The following GOLGA5 variants were observed in gnomAD, a reference collection of about 807,000 sequenced individuals.
GOLGA5 encodes golgin subfamily A member 5.
GOLGA5 carries 50 observed loss-of-function variants against 93.5 expected under a neutral mutation model. The observed-to-expected ratio is 0.53, with a 90% confidence interval of 0.43 to 0.68. The LOEUF is 0.68. Among genes scored for constraint, GOLGA5 ranks in the 30% least tolerant of loss-of-function variants. GOLGA5 has a pLI of 0.00. For synonymous variants in GOLGA5, 312 were observed against 304.5 expected (o/e 1.02, Z -0.26); for missense variants, 760 against 856.4 (o/e 0.89, Z 1.40).
chr14:92,824,693 A>G, intron 9 of GOLGA5, 49 bp downstream of exon 9: 1 of 954,154 alleles, frequency 1.0e-6, no homozygotes, highest in Non-Finnish European at 1.7e-6. Flanking sequence ...TGATAAAGCT[A>G]CATTTTTTTA....
At position 92,810,323 on chromosome 14, in the gene GOLGA5, G is replaced by C; in HGVS notation, c.1062G>C (p.Leu354=). The change falls in exon 5 of 13, where the codon CTG becomes CTC. Residue 354 remains leucine, a synonymous_variant. Transcript: ENST00000163416. The part of the protein sequence containing the change: ...NQALQTFQER[L]HEADATLKRE... ...CTCTGCAGACTTTTCAGGAGAGACT[G>C]CATGAAGCGGATGCCACTCTGAAGA... The C allele has an allele frequency of 6.2e-7, 1 of 1,607,070 alleles. No homozygotes were observed. Among genetic ancestry groups the C allele is most frequent in the African/African-American group, 1.3e-5 (1 of 74,814 alleles).
chr14:92,836,753 C>T (rs1387585133), intron 11 of GOLGA5, among the ~76,000 whole-genome samples: 2 of 152,068 alleles, frequency 1.3e-5, no homozygotes, highest in Non-Finnish European at 2.9e-5. Flanking sequence ...TCTTTCGTAA[C>T]TTCTGTAATT....
chr14:92,833,494 T>C, intron 10 of GOLGA5, 147 bp downstream of exon 10: 1 of 623,532 alleles, frequency 1.6e-6, no homozygotes, highest in Non-Finnish European at 2.9e-6. Flanking sequence ...CTGTTTAGTA[T>C]TGTTAGTGAA....
chr14:92,801,640 T>C (rs1595590014), intron 2 of GOLGA5, among the ~76,000 whole-genome samples: 1 of 152,206 alleles, frequency 6.6e-6, no homozygotes, highest in East Asian at 1.9e-4. Flanking sequence ...CTTGTGTTTT[T>C]TGTGTCTTGG....
intron 3 of GOLGA5, among the ~76,000 whole-genome samples, chr14:92,807,977 G>A (rs189838107): frequency 6.6e-6 from 1 of 152,342 alleles, no homozygotes; most frequent in East Asian, 1.9e-4. Context: ...GCTCACGCCT[G>A]TAATCCCAAC....
In GOLGA5 at chr14:92,810,179, G is replaced by A. The variant is rs143110071; in HGVS notation, c.993-75G>A. Reference sequence around the variant, plus strand: ...TTTTTTGTGCTTGACTAAAGCTGACGCTCTAAAAATTATTCTGCCTTATCA... The same window carrying A: ...TTTTTTGTGCTTGACTAAAGCTGACACTCTAAAAATTATTCTGCCTTATCA... On this transcript the variant is annotated intron_variant, in intron 4 of 12. Coordinates refer to ENST00000163416, the MANE Select transcript of GOLGA5 (RefSeq NM_005113.4). 993 of 1,002,850 alleles carry A rather than the reference G, an allele frequency of 9.9e-4. 1 individual carries two copies. The African/African-American group carries it at 0.011, about 11-fold the overall frequency. 62.1% of individuals were successfully genotyped at this position (1,002,850 alleles called of 1,614,324 possible).
intron 7 of GOLGA5, among the ~76,000 whole-genome samples, chr14:92,817,058 A>G (rs1885225563): frequency 6.6e-6 from 1 of 151,890 alleles, no homozygotes; most frequent in African/African-American, 2.4e-5. Flanking sequence ...CTCCTGCCTC[A>G]GCCTCTTGAG....
intron 8 of GOLGA5, among the ~76,000 whole-genome samples, chr14:92,820,383 T>C (rs1173707432): frequency 6.6e-6 from 1 of 152,226 alleles, no homozygotes; most frequent in Non-Finnish European, 1.5e-5. Flanking sequence ...GCTGCCAACA[T>C]GTCTCGCCTC....
intron 5 of GOLGA5, among the ~76,000 whole-genome samples, chr14:92,811,021 G>A (rs759908443): frequency 1.3e-5 from 2 of 152,202 alleles, no homozygotes; most frequent in South Asian, 2.1e-4. Flanking sequence ...TAAATATCAG[G>A]TAGTGTGTGT....
intron 2 of GOLGA5, among the ~76,000 whole-genome samples, chr14:92,799,005 C>T (rs775867878): frequency 3.9e-5 from 6 of 152,072 alleles, no homozygotes; most frequent in African/African-American, 7.2e-5. Context: ...CTTGCTCTAT[C>T]GCCGAGGCTT....
At chr14:92,836,011 A>G (rs534428091) in intron 11 of GOLGA5, among the ~76,000 whole-genome samples, 1 of 152,054 alleles carries the variant, frequency 6.6e-6, no homozygotes, top group South Asian at 2.1e-4. Flanking sequence ...CCTCTACTTC[A>G]TGTAAAAGTA....
chr14:92,805,602 C>G (rs940808084), intron 2 of GOLGA5, among the ~76,000 whole-genome samples: 2 of 152,108 alleles, frequency 1.3e-5, no homozygotes, highest in African/African-American at 4.8e-5. Context: ...ATTTTATAGT[C>G]CCACCAGCAG....
At chr14:92,821,628 C>T (rs1885318884) in intron 8 of GOLGA5, among the ~76,000 whole-genome samples, 1 of 152,122 alleles carries the variant, frequency 6.6e-6, no homozygotes, top group Admixed American at 6.6e-5. Flanking sequence ...GTATTTCCAT[C>T]TTTGTGTATT....
chr14:92,801,573 T>TC (rs1028607276), intron 2 of GOLGA5, among the ~76,000 whole-genome samples: 11 of 152,106 alleles, frequency 7.2e-5, no homozygotes, highest in Non-Finnish European at 1.3e-4. Flanking sequence ...GTTTTTCCCC[T>TC]CCCCTCTGTC....
chr14:92,833,277 G>C lies in GOLGA5; in HGVS notation c.1875G>C (p.Gln625His). The change falls in exon 10 of 13, where the codon CAG becomes CAC. Residue 625 changes from glutamine (Q) to histidine (H), a missense_variant. By Grantham distance (24) the Gln-to-His change is conservative. Coordinates refer to ENST00000163416, the MANE Select transcript of GOLGA5 (RefSeq NM_005113.4). ...LVFQLERLEQ[Q>H]MNSASGSSSN... is the part of the protein sequence containing the mutation. Reference sequence around the variant, plus strand: ...TTCAACTGGAGCGCCTCGAACAGCAGATGAACTCCGCCTCTGGAAGTAGTA... The same window carrying C: ...TTCAACTGGAGCGCCTCGAACAGCACATGAACTCCGCCTCTGGAAGTAGTA... 1 of 1,614,046 alleles carries C rather than the reference G, an allele frequency of 6.2e-7. No homozygotes were observed. The highest frequency in any genetic ancestry group is 8.5e-7 in the Non-Finnish European group (1 of 1,179,920).
chr14:92,811,654 T>C lies in GOLGA5; in HGVS notation c.1220T>C (p.Val407Ala), dbSNP rs1566955412. 1 of 1,612,322 alleles carries C rather than the reference T, an allele frequency of 6.2e-7. No individual in the cohort carries two copies. Among genetic ancestry groups the C allele is most frequent in the Non-Finnish European group, 8.5e-7 (1 of 1,178,800 alleles). ...ERKYSDEKKR[V>A]DELQQQVKLY... is the part of the protein sequence containing the mutation. ...AAATACTCAGATGAGAAGAAGAGGGTTGATGAACTGCAGCAGCAAGTCAAG... is the reference window on the plus strand; with the variant it reads ...AAATACTCAGATGAGAAGAAGAGGGCTGATGAACTGCAGCAGCAAGTCAAG... The change falls in exon 6 of 13, where the codon GTT becomes GCT. Residue 407 changes from valine (V) to alanine (A), a missense_variant. Coordinates refer to ENST00000163416, the MANE Select transcript of GOLGA5 (RefSeq NM_005113.4).
chr14:92,808,241 G>T (rs1297391212), intron 3 of GOLGA5, among the ~76,000 whole-genome samples: 2 of 151,614 alleles, frequency 1.3e-5, no homozygotes, highest in African/African-American at 4.8e-5. Context: ...AGCGAGACTC[G>T]TCTCAACAAC....
intron 8 of GOLGA5, among the ~76,000 whole-genome samples, chr14:92,823,572 G>A (rs896238917): frequency 6.6e-6 from 1 of 151,530 alleles, no homozygotes; most frequent in East Asian, 1.9e-4. Context: ...GCACCACCGA[G>A]CCTGGCTAAT....
intron 2 of GOLGA5, among the ~76,000 whole-genome samples, chr14:92,800,840 A>T (rs1884855423): frequency 6.6e-6 from 1 of 152,232 alleles, no homozygotes; most frequent in South Asian, 2.1e-4. Context: ...GCTTGCATTT[A>T]ATTAGAAAGA....
Sources: allele counts gnomAD v4.1 joint callset (sites outside exome capture counted in the v4.1 genomes callset), GRCh38; gene constraint gnomAD v4.1.1; transcripts MANE v1.5; gene names NCBI Gene and HGNC (gene_info 2026-07-23, HGNC 2026-07-21).